Variants in PDHX observed in about 807,000 individuals in gnomAD.
PDHX encodes pyruvate dehydrogenase complex component X.
Under a neutral mutation model 55.3 loss-of-function variants are expected in PDHX, and 33 were observed. That is an observed-to-expected ratio of 0.60 (90% confidence interval 0.45 to 0.80). The LOEUF (loss-of-function observed/expected upper bound fraction) is 0.80. Among genes scored for constraint, PDHX ranks in the 30% least tolerant of loss-of-function variants. The pLI is 0.00. For synonymous variants in PDHX, 226 were observed against 219.4 expected, an observed-to-expected ratio of 1.03 and a Z score of -0.27; for missense variants, 622 against 619.9, an observed-to-expected ratio of 1.00 and a Z score of -0.04.
rs1034709533 is a variant in PDHX, at chr11:34,975,279, G to A, written c.965-2845G>A. Reference sequence around the variant, plus strand: ...TTTCTCTCAGCTTCTTAGATGTATGGTTTGTTGTCTTCCTTTAATTGTGAA... The same window carrying A: ...TTTCTCTCAGCTTCTTAGATGTATGATTTGTTGTCTTCCTTTAATTGTGAA... On this transcript the variant is annotated intron_variant, in intron 7 of 10. Transcript: ENST00000227868. Among the ~76,000 whole-genome samples, 7 of 151,870 alleles carry A rather than the reference G, an allele frequency of 4.6e-5. No homozygotes were observed. In the East Asian group the frequency reaches 1.3e-3, roughly 29 times the overall value.
chr11:34,916,275 A>T (rs777780994), upstream of PDHX: 1 of 1,612,540 alleles, frequency 6.2e-7, no homozygotes, highest in Non-Finnish European at 8.5e-7. Flanking sequence ...CGAGCATCAC[A>T]GCCAGACATG....
At chr11:34,991,170 T>G (rs1179697524) in intron 9 of PDHX, among the ~76,000 whole-genome samples, 2 of 152,212 alleles carry the variant, frequency 1.3e-5, no homozygotes, top group African/African-American at 4.8e-5. Flanking sequence ...TAGAAATCGC[T>G]GTGGTCAAGA....
intron 5 of PDHX, among the ~76,000 whole-genome samples, chr11:34,964,013 A>G (rs1017328597): frequency 1.3e-5 from 2 of 152,172 alleles, no homozygotes; most frequent in African/African-American, 4.8e-5. Flanking sequence ...AATTCATGTC[A>G]CACCCAAATG....
At chr11:34,937,750 G>A (rs1296169891) in intron 2 of PDHX, among the ~76,000 whole-genome samples, 1 of 152,114 alleles carries the variant, frequency 6.6e-6, no homozygotes, top group Non-Finnish European at 1.5e-5. Flanking sequence ...CAAATTTATA[G>A]AACTTGCATT....
chr11:34,935,716 C>G (rs1236291165), intron 2 of PDHX, among the ~76,000 whole-genome samples: 1 of 152,128 alleles, frequency 6.6e-6, no homozygotes, highest in African/African-American at 2.4e-5. Context: ...CTGAATGAGT[C>G]CCCCACAGCC....
chr11:34,968,279 T>G (rs9630149), intron 6 of PDHX, among the ~76,000 whole-genome samples: 15,094 of 145,318 alleles, frequency 0.1, 1,606 homozygotes, highest in African/African-American at 0.27. Context: ...AAAAAAAAAG[T>G]TATTCAAATT....
rs200189510 is a variant in PDHX at position 34,984,607 on chromosome 11, G to A, written c.1061G>A (p.Gly354Asp). The A allele has an allele frequency of 3.1e-6, 5 of 1,613,924 alleles. No individual in the cohort carries two copies. The South Asian group carries it at 5.5e-5, about 18-fold the overall frequency. The change falls in exon 9 of 11, where the codon GGC (glycine) becomes GAC (aspartate). Residue 354 changes from glycine to aspartate, a missense_variant. Transcript: ENST00000227868. ...GTTAATGTAAGCTGGGATGGAGAGGGCCCAAAGCAACTGCCATTTATTGAC... is the reference window on the plus strand; with the variant it reads ...GTTAATGTAAGCTGGGATGGAGAGGACCCAAAGCAACTGCCATTTATTGAC... ...PDVNVSWDGE[G>D]PKQLPFIDIS...
At chr11:34,967,419 T>G (rs1014148677) in intron 6 of PDHX, among the ~76,000 whole-genome samples, 4 of 152,230 alleles carry the variant, frequency 2.6e-5, no homozygotes, top group African/African-American at 9.6e-5. Flanking sequence ...ATATATATTC[T>G]CTACAATCTC....
At chr11:34,993,995 A>G (rs954549544) in intron 10 of PDHX, among the ~76,000 whole-genome samples, 1 of 152,180 alleles carries the variant, frequency 6.6e-6, no homozygotes, top group Admixed American at 6.5e-5. Flanking sequence ...TTTTGATACT[A>G]TTATAAATGG....
chr11:34,936,036 C>A lies in PDHX; in HGVS notation c.241+4552C>A, dbSNP rs114382015. 7.9e-3 allele frequency among the ~76,000 whole-genome samples: 1,208 copies of A among 152,312 alleles called. 15 individuals are homozygous for A. Among genetic ancestry groups the A allele is most frequent in the African/African-American group, 0.028 (1,149 of 41,548 alleles). ...TTCTAGAAGGTCTAGCCTTTCATAG[C>A]ATCACTTTTGCCACTAATGACAGAT... is the stretch of plus-strand genomic sequence containing the variant. On this transcript the variant is annotated intron_variant, in intron 2 of 10. Transcript: ENST00000227868.
chr11:34,922,669 T>A (rs1007376925), intron 1 of PDHX, among the ~76,000 whole-genome samples: 1 of 152,174 alleles, frequency 6.6e-6, no homozygotes, highest in African/African-American at 2.4e-5. Flanking sequence ...CAGCCTATCA[T>A]TTTAGAACAA....
At chr11:34,930,736 G>A (rs1239880713) in intron 1 of PDHX, among the ~76,000 whole-genome samples, 1 of 152,152 alleles carries the variant, frequency 6.6e-6, no homozygotes, top group African/African-American at 2.4e-5. Flanking sequence ...GTTTCATTGG[G>A]AGATCATTCT....
chr11:34,916,390 G>A (rs1436035606), upstream of PDHX: 3 of 1,544,918 alleles, frequency 1.9e-6, no homozygotes, highest in Non-Finnish European at 2.6e-6. Context: ...AGGCGGCGCT[G>A]AGGGCAGCCC....
intron 8 of PDHX, among the ~76,000 whole-genome samples, chr11:34,981,345 G>A (rs1385506504): frequency 6.6e-6 from 1 of 152,010 alleles, no homozygotes; most frequent in Non-Finnish European, 1.5e-5. Context: ...ATTTTTTATG[G>A]CTGCATAGTA....
chr11:34,992,365 A>G lies in PDHX; in HGVS notation c.1233A>G (p.Gln411=), dbSNP rs779835379. 2.4e-5 allele frequency: 38 copies of G among 1,588,654 alleles called. No homozygotes were observed. Among genetic ancestry groups the G allele is most frequent in the Non-Finnish European group, 2.9e-5 (34 of 1,157,632 alleles). ...GAAAATTGTTGCCTGAAGAATACCA[A>G]GGAGGATCTTTTAGGTAAAATTTAA... is the stretch of plus-strand genomic sequence containing the variant. The part of the protein sequence containing the change: ...RDGKLLPEEY[Q]GGSFSISNLG... The change falls in exon 10 of 11, where the codon CAA becomes CAG. Residue 411 remains glutamine (Q), a synonymous_variant. Coordinates refer to ENST00000227868, the MANE Select transcript of PDHX (RefSeq NM_003477.3).
At chr11:34,983,131 A>G (rs113698171) in intron 8 of PDHX, among the ~76,000 whole-genome samples, 7,168 of 152,232 alleles carry the variant, frequency 0.047, 533 homozygotes, top group African/African-American at 0.16. Flanking sequence ...ACGAAAATCA[A>G]TAAACTTAAT....
At chr11:34,934,872 C>T (rs1854272020) in intron 2 of PDHX, among the ~76,000 whole-genome samples, 1 of 151,750 alleles carries the variant, frequency 6.6e-6, no homozygotes, top group Admixed American at 6.6e-5. Context: ...AGCCACCGCA[C>T]CCAGCATAGG....
At chr11:34,946,293 T>A (rs559061228) in intron 2 of PDHX, among the ~76,000 whole-genome samples, 35 of 152,274 alleles carry the variant, frequency 2.3e-4, no homozygotes, top group Middle Eastern at 3.4e-3. Context: ...CATTTTTTTT[T>A]AATTTCTTGT....
At chr11:34,982,449 CA>C (rs1170221319) in intron 8 of PDHX, among the ~76,000 whole-genome samples, 1 of 151,638 alleles carries the variant, frequency 6.6e-6, no homozygotes, top group African/African-American at 2.4e-5. Context: ...AATAGAGACA[CA>C]AAAAAACCTT....
Sources: allele counts gnomAD v4.1 joint callset (sites outside exome capture counted in the v4.1 genomes callset), GRCh38; gene constraint gnomAD v4.1.1; transcripts MANE v1.5; gene names NCBI Gene and HGNC (gene_info 2026-07-23, HGNC 2026-07-21).